Variants in ANKIB1 observed in about 807,000 individuals in gnomAD.
The protein encoded by ANKIB1 is ankyrin repeat and IBR domain-containing protein 1.
In ANKIB1, 43 loss-of-function variants were observed where a neutral mutation model predicts 122.1. The ratio of observed to expected loss-of-function variants is 0.35; its 90% CI spans 0.28 to 0.45. The LOEUF (loss-of-function observed/expected upper bound fraction) is 0.45. Among genes scored for constraint, ANKIB1 ranks in the 20% least tolerant of loss-of-function variants. The pLI, the probability that ANKIB1 is intolerant of heterozygous loss-of-function variation, is 1.00. For synonymous variants in ANKIB1, 390 were observed against 442.0 expected (o/e 0.88, Z 1.48); for missense variants, 992 against 1,329.5 (o/e 0.75, Z 3.95).
chr7:92,359,565 A>G (rs528672725), intron 9 of ANKIB1, among the ~76,000 whole-genome samples: 14 of 152,332 alleles, frequency 9.2e-5, no homozygotes, highest in South Asian at 4.1e-4. Flanking sequence ...AGCATGATTT[A>G]TAATCCTTTG....
intron 9 of ANKIB1, among the ~76,000 whole-genome samples, chr7:92,353,397 A>T (rs150573890): frequency 4.6e-5 from 7 of 152,218 alleles, no homozygotes. Flanking sequence ...GTCAGCCATC[A>T]GCACTCTACT....
intron 1 of ANKIB1, among the ~76,000 whole-genome samples, chr7:92,276,576 G>C (rs1025693839): frequency 2.0e-5 from 3 of 152,210 alleles, no homozygotes; most frequent in African/African-American, 7.2e-5. Context: ...ATTTAGCCAA[G>C]GTACCTTGAC....
intron 11 of ANKIB1, among the ~76,000 whole-genome samples, chr7:92,374,311 T>C (rs1804336234): frequency 6.6e-6 from 1 of 152,058 alleles, no homozygotes. Context: ...GCCTCATCTC[T>C]ACTAAAAATA....
rs376385165 is a variant in ANKIB1 at position 92,373,687 on chromosome 7, G to A, written c.1617+2080G>A. Among the ~76,000 whole-genome samples the A allele has an allele frequency of 3.3e-5, 5 of 152,156 alleles. 1 individual carries two copies. In the South Asian group the frequency reaches 8.3e-4, roughly 25 times the overall value. On this transcript the variant is annotated intron_variant, in intron 11 of 19. Transcript: ENST00000265742. ...TGTGTAGGTGTAACAACATGGTCAT[G>A]TGTAATTGAATCCATGCACTGACAT... is the stretch of plus-strand genomic sequence containing the variant.
At chr7:92,335,193 ATAGTC>A (rs1187326515) in intron 5 of ANKIB1, among the ~76,000 whole-genome samples, 1 of 151,900 alleles carries the variant, frequency 6.6e-6, no homozygotes, top group Non-Finnish European at 1.5e-5. Flanking sequence ...TTAGAATAAT[ATAGTC>A]TAATTTTCAA....
chr7:92,338,933 AATATATATATATAT>A (rs1164398513), intron 5 of ANKIB1, among the ~76,000 whole-genome samples: 24 of 21,918 alleles, frequency 1.1e-3, no homozygotes, highest in African/African-American at 3.3e-3. Flanking sequence ...AAAAAAAAAA[AATATATATATATAT>A]ATATATATAT....
chr7:92,337,234 A>G (rs927802833), intron 5 of ANKIB1, among the ~76,000 whole-genome samples: 12 of 152,248 alleles, frequency 7.9e-5, no homozygotes, highest in Non-Finnish European at 1.5e-4. Flanking sequence ...GAATCATTTA[A>G]GCAGGAAATA....
At chr7:92,257,653 A>G (rs1284298177) in intron 1 of ANKIB1, among the ~76,000 whole-genome samples, 8 of 152,166 alleles carry the variant, frequency 5.3e-5, no homozygotes, top group Admixed American at 4.6e-4. Flanking sequence ...TAAGCTGAGC[A>G]TGGTGGCACA....
In ANKIB1 at chr7:92,399,001, G is replaced by C; in HGVS notation, c.*52G>C. 2 of 1,490,372 alleles carry C rather than the reference G, an allele frequency of 1.3e-6. No individual in the cohort carries two copies. The highest frequency in any genetic ancestry group is 1.8e-6 in the Non-Finnish European group (2 of 1,119,540). 92.3% of individuals were successfully genotyped at this position (1,490,372 alleles called of 1,614,324 possible). A position where few individuals can be genotyped will look rare whatever the true frequency, so the allele number is the denominator to read the frequency against. ...ATTACAGGTACAGATGGTATGCTAG[G>C]TGGAGTATGCTTGATAGAGACTTTG... is the stretch of plus-strand genomic sequence containing the variant. On this transcript the variant is annotated 3_prime_UTR_variant, in exon 20 of 20. Transcript: ENST00000265742.
chr7:92,362,326 G>C, intron 10 of ANKIB1, 53 bp downstream of exon 10: 10 of 1,476,346 alleles, frequency 6.8e-6, no homozygotes, highest in Non-Finnish European at 6.5e-6. Context: ...GCATTCAAAA[G>C]ATAATGTGGT....
chr7:92,393,377 A>G (rs934133770), intron 17 of ANKIB1, among the ~76,000 whole-genome samples: 1 of 152,072 alleles, frequency 6.6e-6, no homozygotes, highest in Admixed American at 6.6e-5. Flanking sequence ...TTATTTTAAA[A>G]CTAATTATGA....
chr7:92,352,628 A>G lies in ANKIB1; in HGVS notation c.1383A>G (p.Gly461=), dbSNP rs2131985765. The change falls in exon 9 of 20, where the codon GGA becomes GGG. Residue 461 remains glycine, a synonymous_variant. Coordinates refer to ENST00000265742, the MANE Select transcript of ANKIB1 (RefSeq NM_019004.2). The part of the protein sequence containing the change: ...LRAPAVDCGK[G]HLFCWECLGE... ...CTCCTGCTGTTGATTGTGGAAAAGGACACCTCTTCTGCTGGTTAGTATAAG... is the reference window on the plus strand; with the variant it reads ...CTCCTGCTGTTGATTGTGGAAAAGGGCACCTCTTCTGCTGGTTAGTATAAG... 6.2e-7 allele frequency: 1 copy of G among 1,610,036 alleles called. No homozygotes were observed. The highest frequency in any genetic ancestry group is 1.3e-5 in the African/African-American group (1 of 74,806).
chr7:92,301,745 CTCA>C (rs1359526525), intron 2 of ANKIB1, among the ~76,000 whole-genome samples: 6 of 152,180 alleles, frequency 3.9e-5, no homozygotes, highest in African/African-American at 1.4e-4. Flanking sequence ...ACAGCATTTA[CTCA>C]TCAGCATTAA....
intron 1 of ANKIB1, among the ~76,000 whole-genome samples, chr7:92,276,276 T>A (rs1585083595): frequency 1.3e-5 from 2 of 152,332 alleles, no homozygotes; most frequent in East Asian, 1.9e-4. Context: ...CAGCAATGAG[T>A]AATGACTTCA....
At chr7:92,288,838 C>T (rs1802190939) in intron 1 of ANKIB1, among the ~76,000 whole-genome samples, 4 of 151,752 alleles carry the variant, frequency 2.6e-5, no homozygotes, top group Non-Finnish European at 5.9e-5. Flanking sequence ...ATTATAATGG[C>T]TACCAAAAAA....
At chr7:92,355,791 G>A (rs1376031334) in intron 9 of ANKIB1, among the ~76,000 whole-genome samples, 4 of 151,520 alleles carry the variant, frequency 2.6e-5, no homozygotes, top group African/African-American at 9.7e-5. Context: ...AGAAGTTGCA[G>A]TGAGCCGAGA....
At chr7:92,352,178 A>G (rs1010735468) in intron 8 of ANKIB1, among the ~76,000 whole-genome samples, 7 of 152,380 alleles carry the variant, frequency 4.6e-5, no homozygotes, top group African/African-American at 1.2e-4. Flanking sequence ...TTAAAATTAC[A>G]TATTTTCTGT....
rs184769742 is a variant in ANKIB1, at chr7:92,369,302, A to G, written c.1487-2175A>G. Reference sequence around the variant, plus strand: ...AACTGGAGTAAAGTCTGATCAGTTCATTACCGCTGTTTCTCTTTGCTGTGT... The same window carrying G: ...AACTGGAGTAAAGTCTGATCAGTTCGTTACCGCTGTTTCTCTTTGCTGTGT... On this transcript the variant is annotated intron_variant, in intron 10 of 19. Transcript: ENST00000265742. Among the ~76,000 whole-genome samples the G allele has an allele frequency of 1.8e-3, 278 of 152,326 alleles. 1 individual carries two copies. Among genetic ancestry groups the G allele is most frequent in the Admixed American group, 3.1e-3 (47 of 15,304 alleles).
chr7:92,310,118 G>T (rs887507284), intron 3 of ANKIB1, among the ~76,000 whole-genome samples: 1 of 151,392 alleles, frequency 6.6e-6, no homozygotes, highest in African/African-American at 2.4e-5. Flanking sequence ...CTCAGTGAAA[G>T]AAATTAGTGC....
Sources: gnomAD v4.1 joint callset for allele counts (sites outside exome capture counted in the v4.1 genomes callset) on GRCh38, gnomAD v4.1.1 for gene constraint, MANE v1.5 for transcripts, NCBI Gene and HGNC (gene_info 2026-07-23, HGNC 2026-07-21) for gene names.